The following ZNG1B variants were observed in gnomAD, a reference collection of about 807,000 sequenced individuals.
ZNG1B encodes Zn regulated GTPase metalloprotein activator 1B.
the ZNG1B span, among the ~76,000 whole-genome samples, chr2:113,449,228 C>A: frequency 6.6e-6 from 1 of 152,188 alleles, no homozygotes; most frequent in South Asian, 2.1e-4. Context: ...CACTTCATAT[C>A]AGCAATAAGG....
the ZNG1B span, among the ~76,000 whole-genome samples, chr2:113,463,696 G>A: frequency 1.3e-5 from 2 of 151,878 alleles, no homozygotes; most frequent in Non-Finnish European, 2.9e-5. Context: ...CCCTTTTAAA[G>A]CCTCCTCTGT....
chr2:113,481,604 G>C, the ZNG1B span: 2 of 152,108 alleles, frequency 1.3e-5, no homozygotes, highest in South Asian at 2.1e-4. Context: ...TGATCTTCTT[G>C]TGCTTTTCAT....
At chr2:113,446,289 A>T in the ZNG1B span, among the ~76,000 whole-genome samples, 22 of 152,260 alleles carry the variant, frequency 1.4e-4, 1 homozygote, top group South Asian at 4.3e-3. Flanking sequence ...GAAAGCTTTT[A>T]TACAAATTGT....
At chr2:113,479,022 G>T in the ZNG1B span, among the ~76,000 whole-genome samples, 14 of 151,888 alleles carry the variant, frequency 9.2e-5, no homozygotes, top group Admixed American at 9.2e-4. Context: ...AACAAATTAC[G>T]GTTAAAATTA....
chr2:113,446,768 ACACG>A, the ZNG1B span, among the ~76,000 whole-genome samples: 1 of 126,766 alleles, frequency 7.9e-6, no homozygotes, highest in East Asian at 2.8e-4. Context: ...ACGCACATGC[ACACG>A]CACACACACA....
the ZNG1B span, chr2:113,466,680 A>T: frequency 2.0e-6 from 2 of 985,416 alleles, no homozygotes; most frequent in South Asian, 9.4e-5. Flanking sequence ...AGATGTCCTG[A>T]GTAGAATTCT....
chr2:113,442,046 GT>G, the ZNG1B span, among the ~76,000 whole-genome samples: 134 of 151,938 alleles, frequency 8.8e-4, no homozygotes, highest in African/African-American at 3.1e-3. Flanking sequence ...GCCAAAAAAT[GT>G]TTTTTTTAGG....
At chr2:113,443,598 A>G in the ZNG1B span, among the ~76,000 whole-genome samples, 2 of 138,498 alleles carry the variant, frequency 1.4e-5, no homozygotes, top group Non-Finnish European at 3.1e-5. Flanking sequence ...AGCTAACATA[A>G]TGTAGTGTAC....
the ZNG1B span, among the ~76,000 whole-genome samples, chr2:113,446,616 G>A: frequency 2.1e-5 from 3 of 141,076 alleles, no homozygotes; most frequent in East Asian, 2.2e-4. Context: ...GCGTTGTGGC[G>A]CACCCCATAA....
chr2:113,452,995 G>C, the ZNG1B span: 1 of 1,436,858 alleles, frequency 7.0e-7, no homozygotes, highest in South Asian at 1.3e-5. Context: ...GCTATAAATA[G>C]TGAAAGCTTC....
chr2:113,438,834 C>T, the ZNG1B span, among the ~76,000 whole-genome samples: 41,150 of 151,348 alleles, frequency 0.27, 5,824 homozygotes, highest in East Asian at 0.52. Flanking sequence ...ATACTGTTTC[C>T]GGGAAATAAT....
the ZNG1B span, chr2:113,494,160 C>CAT: frequency 8.5e-7 from 1 of 1,183,346 alleles, no homozygotes; most frequent in South Asian, 1.7e-5. Flanking sequence ...GAAATCACTG[C>CAT]ATAAGGCTTG....
the ZNG1B span, among the ~76,000 whole-genome samples, chr2:113,477,386 G>C: frequency 1.3e-5 from 2 of 152,232 alleles, no homozygotes; most frequent in Middle Eastern, 3.4e-3. Flanking sequence ...CTCGCGGATG[G>C]TGCACGCACC....
the ZNG1B span, among the ~76,000 whole-genome samples, chr2:113,442,552 C>T: frequency 2.0e-5 from 3 of 151,872 alleles, no homozygotes; most frequent in Non-Finnish European, 4.4e-5. Context: ...TAATAACAGA[C>T]TGTTTTTTTA....
chr2:113,445,084 A>C, the ZNG1B span: 1 of 1,605,636 alleles, frequency 6.2e-7, no homozygotes, highest in African/African-American at 1.3e-5. Context: ...AATAACCAGA[A>C]TATAGTTCTG....
At chr2:113,460,257 A>G in the ZNG1B span, among the ~76,000 whole-genome samples, 92 of 151,672 alleles carry the variant, frequency 6.1e-4, no homozygotes, top group African/African-American at 2.1e-3. Context: ...CTAAGAAACT[A>G]TATTTCAGTG....
chr2:113,459,555 C>A, the ZNG1B span, among the ~76,000 whole-genome samples: 1 of 151,428 alleles, frequency 6.6e-6, no homozygotes. Context: ...AAAAAAAAGT[C>A]CCTGTGATTG....
the ZNG1B span, among the ~76,000 whole-genome samples, chr2:113,486,901 T>G: frequency 6.6e-6 from 1 of 151,800 alleles, no homozygotes. Context: ...AACTGACAGT[T>G]ATGTTTCATT....
At chr2:113,487,929 C>T in the ZNG1B span, among the ~76,000 whole-genome samples, 2 of 151,972 alleles carry the variant, frequency 1.3e-5, no homozygotes, top group Non-Finnish European at 2.9e-5. Context: ...TTTTGTATTA[C>T]TAGTAACAGT....
Sources: allele counts gnomAD v4.1 joint callset (sites outside exome capture counted in the v4.1 genomes callset), GRCh38; gene constraint gnomAD v4.1.1; transcripts MANE v1.5; gene names NCBI Gene and HGNC (gene_info 2026-07-23, HGNC 2026-07-21).